The following PDSS2 variants were observed in gnomAD, a reference collection of about 807,000 sequenced individuals.
PDSS2 encodes the protein all trans-polyprenyl-diphosphate synthase PDSS2.
PDSS2 carries 31 observed loss-of-function variants against 44.5 expected under a neutral mutation model. That is an observed-to-expected ratio of 0.70 (90% CI 0.52 to 0.94). The LOEUF is 0.94. PDSS2 is among the 40% of genes least tolerant of loss of function. PDSS2 has a pLI of 0.00. For missense variants in PDSS2, 452 were observed against 482.2 expected, an observed-to-expected ratio of 0.94 and a Z score of 0.59; for synonymous variants, 157 against 180.3, an observed-to-expected ratio of 0.87 and a Z score of 1.03.
chr6:107,291,746 C>T (rs1268174459), intron 2 of PDSS2, among the ~76,000 whole-genome samples: 1 of 151,776 alleles, frequency 6.6e-6, no homozygotes, highest in Admixed American at 6.6e-5. Flanking sequence ...GGCACGGTGG[C>T]TCATGCCTGT....
chr6:107,434,135 G>A (rs1157886754), intron 1 of PDSS2, among the ~76,000 whole-genome samples: 1 of 152,164 alleles, frequency 6.6e-6, no homozygotes, highest in Non-Finnish European at 1.5e-5. Context: ...GTGAAAAGAG[G>A]ACTCTCATAC....
intron 4 of PDSS2, among the ~76,000 whole-genome samples, chr6:107,235,171 G>A (rs183483468): frequency 1.3e-5 from 2 of 152,190 alleles, no homozygotes; most frequent in African/African-American, 4.8e-5. Context: ...TAGAGAAGCC[G>A]AAGGGGTTAA....
At chr6:107,161,693 T>G (rs887879933) in intron 7 of PDSS2, among the ~76,000 whole-genome samples, 1 of 152,076 alleles carries the variant, frequency 6.6e-6, no homozygotes, top group African/African-American at 2.4e-5. Flanking sequence ...AGTTGCAGAG[T>G]TGCAGAGTTG....
At chr6:107,155,073 G>A (rs1202291602) in intron 7 of PDSS2, among the ~76,000 whole-genome samples, 1 of 151,800 alleles carries the variant, frequency 6.6e-6, no homozygotes, top group Non-Finnish European at 1.5e-5. Flanking sequence ...CATGCTGGGG[G>A]ATGGCAGTAA....
At position 107,274,018 on chromosome 6, in the gene PDSS2, C is replaced by T; in HGVS notation, c.630+11G>A. 2 of 1,612,090 alleles carry T rather than the reference C, an allele frequency of 1.2e-6. No homozygotes were observed. The highest frequency in any genetic ancestry group is 1.7e-6 in the Non-Finnish European group (2 of 1,178,314). On this transcript the variant is annotated intron_variant, in intron 3 of 7. Transcript: ENST00000369037. ...GCCATTCAGGTACAACAAAACCCTG[C>T]CCAATTTTACCTTGGTGTTCTGTAG...
chr6:107,302,932 T>C (rs1776743699), intron 2 of PDSS2, among the ~76,000 whole-genome samples: 1 of 152,154 alleles, frequency 6.6e-6, no homozygotes, highest in Admixed American at 6.5e-5. Context: ...TTTAAAAATA[T>C]TACAATCAAT....
intron 2 of PDSS2, among the ~76,000 whole-genome samples, chr6:107,278,480 T>C (rs984763466): frequency 2.0e-5 from 3 of 152,194 alleles, no homozygotes; most frequent in Non-Finnish European, 4.4e-5. Flanking sequence ...CTGAAAAAAG[T>C]CCGCATTATC....
chr6:107,173,658 T>C (rs1554249216), intron 7 of PDSS2, among the ~76,000 whole-genome samples: 2 of 151,670 alleles, frequency 1.3e-5, no homozygotes, highest in East Asian at 1.9e-4. Context: ...CTTGGTTTCT[T>C]CTTCTTATCA....
intron 4 of PDSS2, among the ~76,000 whole-genome samples, chr6:107,228,345 G>A (rs571181946): frequency 3.3e-5 from 5 of 152,144 alleles, no homozygotes; most frequent in African/African-American, 1.2e-4. Context: ...TCCTATATTT[G>A]ATTTCTAACA....
chr6:107,249,455 A>C (rs1774739764), intron 3 of PDSS2, among the ~76,000 whole-genome samples: 1 of 152,174 alleles, frequency 6.6e-6, no homozygotes, highest in Admixed American at 6.5e-5. Context: ...GCATCCTGAA[A>C]TATTGTTTTA....
intron 1 of PDSS2, among the ~76,000 whole-genome samples, chr6:107,389,306 T>C (rs1292804712): frequency 6.6e-6 from 1 of 152,176 alleles, no homozygotes; most frequent in Non-Finnish European, 1.5e-5. Flanking sequence ...ATTATAAATG[T>C]ATGACATAAT....
intron 1 of PDSS2, among the ~76,000 whole-genome samples, chr6:107,452,917 G>A (rs1019045929): frequency 6.6e-6 from 1 of 151,946 alleles, no homozygotes; most frequent in Non-Finnish European, 1.5e-5. Context: ...TGCCCGCCTC[G>A]GCCTCCCAAA....
chr6:107,153,708 C>G lies in PDSS2; in HGVS notation c.*911G>C, dbSNP rs192283459. 6.5e-6 allele frequency: 1 copy of G among 152,714 alleles called. No individual in the cohort carries two copies. The highest frequency in any genetic ancestry group is 1.9e-4 in the East Asian group (1 of 5,182). 9.5% of individuals were successfully genotyped at this position (152,714 alleles called of 1,614,324 possible). On this transcript the variant is annotated 3_prime_UTR_variant, in exon 8 of 8. Transcript: ENST00000369037. ...ATCTCCTACTTCAAGTATTTGGCAA[C>G]TTTTCGGCAATTTCTCCAAAAAGAC...
In PDSS2 at chr6:107,459,049, G is replaced by A; in HGVS notation, c.237C>T (p.Asn79=). ...LRCLLSDELS[N]IAMQVRKLVG... Reference sequence around the variant, plus strand: ...CCAGCTTCCGCACCTGCATAGCGATGTTGCTGAGCTCGTCGCTCAGCAGGC... The same window carrying A: ...CCAGCTTCCGCACCTGCATAGCGATATTGCTGAGCTCGTCGCTCAGCAGGC... The change falls in exon 1 of 8, where the codon AAC becomes AAT. Residue 79 remains asparagine (N), a synonymous_variant. Transcript: ENST00000369037. The surrounding 1 kb of genome is among the most constrained non-coding windows in gnomAD (Gnocchi z 4.3). 6.2e-7 allele frequency: 1 copy of A among 1,614,164 alleles called. No homozygotes were observed. Among genetic ancestry groups the A allele is most frequent in the Non-Finnish European group, 8.5e-7 (1 of 1,180,018 alleles).
intron 3 of PDSS2, among the ~76,000 whole-genome samples, chr6:107,247,531 C>T (rs1774661368): frequency 6.6e-6 from 1 of 152,002 alleles, no homozygotes; most frequent in Non-Finnish European, 1.5e-5. Context: ...CAATGACAAC[C>T]CATTAAGGAA....
chr6:107,205,941 A>G (rs1554253785), intron 6 of PDSS2, among the ~76,000 whole-genome samples: 1 of 152,356 alleles, frequency 6.6e-6, no homozygotes, highest in Non-Finnish European at 1.5e-5. Context: ...CAGGAAATCA[A>G]AACAGTAGAT....
In PDSS2 at chr6:107,211,820, A is replaced by C. The variant is rs371415271; in HGVS notation, c.876+289T>G. ...TATGTGAATATATTCCAGTCTGTAAATATGTTATTTAATAATATGTAAGAG... is the reference window on the plus strand; with the variant it reads ...TATGTGAATATATTCCAGTCTGTAACTATGTTATTTAATAATATGTAAGAG... On this transcript the variant is annotated intron_variant, in intron 5 of 7. Coordinates refer to ENST00000369037, the MANE Select transcript of PDSS2 (RefSeq NM_020381.4). 1.4e-4 allele frequency among the ~76,000 whole-genome samples: 22 copies of C among 152,266 alleles called. No homozygotes were observed. In the East Asian group the frequency reaches 2.3e-3, roughly 16 times the overall value.
intron 1 of PDSS2, among the ~76,000 whole-genome samples, chr6:107,437,143 G>A (rs1024296688): frequency 2.0e-5 from 3 of 152,122 alleles, no homozygotes; most frequent in African/African-American, 7.2e-5. Context: ...GAGATTACAG[G>A]TGTGTGCCAT....
At chr6:107,220,040 T>C (rs182365384) in intron 4 of PDSS2, among the ~76,000 whole-genome samples, 1 of 152,116 alleles carries the variant, frequency 6.6e-6, no homozygotes, top group Non-Finnish European at 1.5e-5. Flanking sequence ...ATAATTCCAT[T>C]GATGTGAAAT....
Sources: allele counts gnomAD v4.1 joint callset (sites outside exome capture counted in the v4.1 genomes callset), GRCh38; gene constraint gnomAD v4.1.1; non-coding constraint Gnocchi (gnomAD v3.1); transcripts MANE v1.5; gene names NCBI Gene and HGNC (gene_info 2026-07-23, HGNC 2026-07-21).